Variants in DAZAP1 observed in about 807,000 individuals in gnomAD.
The protein encoded by DAZAP1 is DAZ-associated protein 1.
A neutral mutation model predicts 60.1 loss-of-function variants in DAZAP1; 6 were observed. The ratio of observed to expected loss-of-function variants is 0.10; its 90% CI spans 0.05 to 0.20. The LOEUF (loss-of-function observed/expected upper bound fraction) is 0.20, where lower values mean the gene tolerates loss of function less well. DAZAP1 is among the 10% of genes least tolerant of loss of function. The pLI is 1.00. For synonymous variants in DAZAP1, 235 were observed against 215.9 expected, an observed-to-expected ratio of 1.09 and a Z score of -0.78; for missense variants, 366 against 560.4, an observed-to-expected ratio of 0.65 and a Z score of 3.50.
chr19:1,421,387 G>T (rs560753995), intron 5 of DAZAP1, 129 bp downstream of exon 5: 7 of 760,494 alleles, frequency 9.2e-6, no homozygotes, highest in African/African-American at 1.8e-5. Flanking sequence ...TCGCTGTCTC[G>T]TATTTCCCCA....
At position 1,434,337 on chromosome 19, in the gene DAZAP1, C is replaced by T. The variant is rs1569109092; in HGVS notation, c.1049-400C>T. 4.7e-6 allele frequency: 1 copy of T among 214,472 alleles called. No homozygotes were observed. The highest frequency in any genetic ancestry group is 2.3e-5 in the African/African-American group (1 of 42,768). 13.3% of individuals were successfully genotyped at this position (214,472 alleles called of 1,614,324 possible). A position where few individuals can be genotyped will look rare whatever the true frequency, so the allele number is the denominator to read the frequency against. On this transcript the variant is annotated intron_variant, in intron 11 of 11. Coordinates refer to ENST00000233078, the MANE Select transcript of DAZAP1 (RefSeq NM_018959.4). This position sits in a 1 kb window ranked among gnomAD's most constrained non-coding sequence, Gnocchi z 8.0. ...GCCCTGTATCGCTGCAAGGGCCCGT[C>T]AGGGGTTTTCTGAAACTCCGAGAGC...
intron 10 of DAZAP1, among the ~76,000 whole-genome samples, chr19:1,431,708 C>T (rs907157505): frequency 1.3e-5 from 2 of 152,346 alleles, no homozygotes; most frequent in African/African-American, 2.4e-5. Flanking sequence ...GAGGTCTTGG[C>T]ACCCTCCAGT....
At position 1,421,377 on chromosome 19, in the gene DAZAP1, T is replaced by C. The variant is rs376474732; in HGVS notation, c.414+119T>C. 193 of 818,858 alleles carry C rather than the reference T, an allele frequency of 2.4e-4. 2 individuals are homozygous for C. In the East Asian group the frequency reaches 3.2e-3, roughly 13 times the overall value. The allele number at this position is 818,858 out of a possible 1,614,324, so 50.7% of individuals were successfully genotyped here. A position where few individuals can be genotyped will look rare whatever the true frequency, so the allele number is the denominator to read the frequency against. ...TGCACGGGCCTTTCAGGCTGGGAGC[T>C]CGCTGTCTCGTATTTCCCCAACGCC... On this transcript the variant is annotated intron_variant, in intron 5 of 11. Coordinates refer to ENST00000233078, the MANE Select transcript of DAZAP1 (RefSeq NM_018959.4).
intron 1 of DAZAP1, among the ~76,000 whole-genome samples, chr19:1,410,612 G>T (rs530036560): frequency 6.6e-6 from 1 of 152,194 alleles, no homozygotes; most frequent in Non-Finnish European, 1.5e-5. Flanking sequence ...GGCCGGGGTC[G>T]CCACATCCTG....
At chr19:1,421,583 GC>G (rs2083156781) in intron 5 of DAZAP1, among the ~76,000 whole-genome samples, 1 of 152,256 alleles carries the variant, frequency 6.6e-6, no homozygotes, top group African/African-American at 2.4e-5. Flanking sequence ...GTTCAGTGTG[GC>G]CTGGGCGAGC....
At chr19:1,411,022 G>C (rs570970232) in intron 1 of DAZAP1, among the ~76,000 whole-genome samples, 1 of 152,348 alleles carries the variant, frequency 6.6e-6, no homozygotes, top group African/African-American at 2.4e-5. Context: ...GAGACATCCT[G>C]AGTGGGGCTC....
intron 8 of DAZAP1, 151 bp downstream of exon 8, chr19:1,429,146 C>G (rs992671289): frequency 9.4e-7 from 1 of 1,066,202 alleles, no homozygotes; most frequent in Admixed American, 3.5e-5. Context: ...CGCGAGGTGC[C>G]GGCTGACAGC....
In DAZAP1 at chr19:1,426,040, T is replaced by G. The variant is rs540332721; in HGVS notation, c.546+80T>G. On this transcript the variant is annotated intron_variant, in intron 7 of 11. Coordinates refer to ENST00000233078, the MANE Select transcript of DAZAP1 (RefSeq NM_018959.4). This position sits in a 1 kb window ranked among gnomAD's most constrained non-coding sequence, Gnocchi z 5.4. ...TAGGGGTTTCACTGGAAAGGAACAT[T>G]CCTTCACGGAAAGGGTCGGGCGAGT... 1.4e-5 allele frequency: 15 copies of G among 1,053,032 alleles called. 2 individuals are homozygous for G. Among genetic ancestry groups the G allele is most frequent in the South Asian group, 1.4e-4 (11 of 79,606 alleles). 65.2% of individuals were successfully genotyped at this position (1,053,032 alleles called of 1,614,324 possible). A position where few individuals can be genotyped will look rare whatever the true frequency, so the allele number is the denominator to read the frequency against.
At chr19:1,412,336 G>C (rs2082855089) in intron 1 of DAZAP1, among the ~76,000 whole-genome samples, 4 of 152,200 alleles carry the variant, frequency 2.6e-5, no homozygotes, top group African/African-American at 9.7e-5. Flanking sequence ...GGGCAGGAAA[G>C]TCCCTAGAGG....
At chr19:1,430,119 G>C in intron 9 of DAZAP1, 103 bp from the exon 10 acceptor site, 1 of 1,544,184 alleles carries the variant, frequency 6.5e-7, no homozygotes, top group East Asian at 2.3e-5. Flanking sequence ...GAGGAAGAGA[G>C]GGTGAGGGGC....
chr19:1,428,929 C>G lies in DAZAP1; in HGVS notation c.634C>G (p.Pro212Ala). The G allele has an allele frequency of 6.2e-7, 1 of 1,612,374 alleles. No individual in the cohort carries two copies. Among genetic ancestry groups the G allele is most frequent in the Non-Finnish European group, 8.5e-7 (1 of 1,179,612 alleles). Residue 212 changes from proline to alanine, a missense_variant, in exon 8 of 12, where the codon CCC becomes GCC. Physicochemically the swap from Pro to Ala is conservative, Grantham distance 27 (BLOSUM62 -1). This residue lies in a region of DAZAP1 where 240 missense variants were observed against 308.8 expected (regional missense o/e 0.78). Transcript: ENST00000233078. The surrounding 1 kb of genome is among the most constrained non-coding windows in gnomAD (Gnocchi z 4.0). ...CAGCCAGTGGGGGAGCCGGGTTGTG[C>G]CCAACGCTGCCAATGGCTGGGCAGG... ...GASQWGSRVV[P>A]NAANGWAGQP...
At position 1,432,846 on chromosome 19, in the gene DAZAP1, A is replaced by G; in HGVS notation, c.1048+156A>G. 1 of 819,342 alleles carries G rather than the reference A, an allele frequency of 1.2e-6. No homozygotes were observed. The highest frequency in any genetic ancestry group is 2.7e-5 in the East Asian group (1 of 36,576). The allele number at this position is 819,342 out of a possible 1,614,324, so 50.8% of individuals were successfully genotyped here. On this transcript the variant is annotated intron_variant, in intron 11 of 11. Transcript: ENST00000233078. This position sits in a 1 kb window ranked among gnomAD's most constrained non-coding sequence, Gnocchi z 4.9. ...GGGGGGTGTGGGGGTTGTTGGAGAG[A>G]TCTCGTGGCAACTCGGGTCCAGCAG...
chr19:1,409,337 C>A (rs913911111), intron 1 of DAZAP1, among the ~76,000 whole-genome samples: 1 of 152,152 alleles, frequency 6.6e-6, no homozygotes, highest in South Asian at 2.1e-4. Context: ...AACGTGGGCC[C>A]GCTCCACCCA....
At position 1,410,236 on chromosome 19, in the gene DAZAP1, C is replaced by T. The variant is rs2082787819; in HGVS notation, c.29+2434C>T. Among the ~76,000 whole-genome samples, 2 of 152,212 alleles carry T rather than the reference C, an allele frequency of 1.3e-5. 1 individual carries two copies. Among genetic ancestry groups the T allele is most frequent in the South Asian group, 4.1e-4 (2 of 4,834 alleles). On this transcript the variant is annotated intron_variant, in intron 1 of 11. Coordinates refer to ENST00000233078, the MANE Select transcript of DAZAP1 (RefSeq NM_018959.4). ...TGCCGGTGATAACGGATGCCTTACA[C>T]ACACCGACTTCCAGTCAGCTTGAGG...
chr19:1,424,355 C>T (rs1478812430), intron 6 of DAZAP1, among the ~76,000 whole-genome samples: 1 of 125,526 alleles, frequency 8.0e-6, no homozygotes, highest in African/African-American at 2.9e-5. Flanking sequence ...CCTCCCCCTC[C>T]CCCTCCCCCC....
In DAZAP1 at chr19:1,407,692, A is replaced by C; in HGVS notation, c.-82A>C. On this transcript the variant is annotated 5_prime_UTR_variant, in exon 1 of 12. Transcript: ENST00000233078. Reference sequence around the variant, plus strand: ...GCAGATCCGGGCCGCGGCTGTGGGGAGGGCGACGGAGCGGGTGACCTTCCG... The same window carrying C: ...GCAGATCCGGGCCGCGGCTGTGGGGCGGGCGACGGAGCGGGTGACCTTCCG... 1.0e-6 allele frequency: 1 copy of C among 975,274 alleles called. No homozygotes were observed. Among genetic ancestry groups the C allele is most frequent in the Non-Finnish European group, 1.2e-6 (1 of 816,786 alleles). The allele number at this position is 975,274 out of a possible 1,614,324, so 60.4% of individuals were successfully genotyped here.
Position 1,418,266 on chromosome 19 carries a change from A to G in DAZAP1, c.133A>G (p.Lys45Glu). ...CGTAGATTGTGTTATCATGAAAGAT[A>G]AAACCACCAACCAGTCTCGAGGCTT... The part of the protein sequence containing the change: ...EVVDCVIMKD[K>E]TTNQSRGFGF... Residue 45 changes from lysine to glutamate, a missense_variant, in exon 3 of 12, where the codon AAA becomes GAA. Physicochemically the swap from Lys to Glu is moderately conservative, Grantham distance 56. Transcript: ENST00000233078. The surrounding 1 kb of genome is among the most constrained non-coding windows in gnomAD (Gnocchi z 5.7). 6.2e-7 allele frequency: 1 copy of G among 1,614,232 alleles called. No homozygotes were observed. The highest frequency in any genetic ancestry group is 8.5e-7 in the Non-Finnish European group (1 of 1,180,044).
Position 1,430,269 on chromosome 19 carries a change from C to CCCCCCGAAA in DAZAP1, c.779_780insCCCCGAAAC (p.Pro261_Phe262insGluThrPro). ...AGGAAGAGGAGCCCCCCCGCCACCC[C>CCCCCCGAAA]CACCGTTCACCTCCTACATCGTGTC... On this transcript the variant is annotated inframe_insertion, in exon 10 of 12. Coordinates refer to ENST00000233078, the MANE Select transcript of DAZAP1 (RefSeq NM_018959.4). The CCCCCCGAAA allele has an allele frequency of 7.4e-7, 1 of 1,356,196 alleles. No individual in the cohort carries two copies. Among genetic ancestry groups the CCCCCCGAAA allele is most frequent in the South Asian group, 1.3e-5 (1 of 76,536 alleles). The allele number at this position is 1,356,196 out of a possible 1,614,324, so 84.0% of individuals were successfully genotyped here.
At chr19:1,421,301 G>A (rs544699470) in intron 5 of DAZAP1, 43 bp downstream of exon 5, 86 of 1,573,674 alleles carry the variant, frequency 5.5e-5, no homozygotes, top group South Asian at 4.4e-4. Context: ...GGACAGAGCC[G>A]CTTCTGCTCA....
Sources: allele counts gnomAD v4.1 joint callset (sites outside exome capture counted in the v4.1 genomes callset), GRCh38; gene constraint gnomAD v4.1.1; regional missense constraint gnomAD v4.1.1; non-coding constraint Gnocchi (gnomAD v3.1); transcripts MANE v1.5; gene names NCBI Gene and HGNC (gene_info 2026-07-23, HGNC 2026-07-21).